CDH12: variants seen among roughly 807,000 people sequenced by gnomAD.
CDH12 encodes the protein cadherin-12.
CDH12 carries 41 observed loss-of-function variants against 74.1 expected under a neutral mutation model. The ratio of observed to expected loss-of-function variants is 0.55; its 90% CI spans 0.43 to 0.72. The LOEUF (loss-of-function observed/expected upper bound fraction) is 0.72, where lower values mean the gene tolerates loss of function less well. Among genes scored for constraint, CDH12 ranks in the 30% least tolerant of loss-of-function variants. The pLI is 0.00. For missense variants in CDH12, 945 were observed against 977.2 expected, an observed-to-expected ratio of 0.97 and a Z score of 0.44; for synonymous variants, 399 against 355.0, an observed-to-expected ratio of 1.12 and a Z score of -1.39.
intron 1 of CDH12, among the ~76,000 whole-genome samples, chr5:22,661,907 T>G (rs1740368755): frequency 6.6e-6 from 1 of 152,156 alleles, no homozygotes; most frequent in Non-Finnish European, 1.5e-5. Context: ...GAAATAAGCA[T>G]TTTTAAAAAT....
At chr5:22,140,120 G>A (rs1056160604) in intron 4 of CDH12, among the ~76,000 whole-genome samples, 8 of 152,034 alleles carry the variant, frequency 5.3e-5, no homozygotes, top group Non-Finnish European at 8.8e-5. Flanking sequence ...TATCAGCATA[G>A]AAAATCAAGT....
chr5:22,723,052 G>A lies in CDH12; in HGVS notation c.-523+130006C>T, dbSNP rs142858088. ...GTTGAGGAGCAATATAACTCAATAT[G>A]TCTACACAGGAAATCAGAAAATATA... On this transcript the variant is annotated intron_variant, in intron 1 of 14. Transcript: ENST00000382254. Among the ~76,000 whole-genome samples, 46 of 152,226 alleles carry A rather than the reference G, an allele frequency of 3.0e-4. No individual in the cohort carries two copies. The East Asian group carries it at 8.5e-3, about 28-fold the overall frequency.
At chr5:22,658,162 G>C (rs1233385803) in intron 1 of CDH12, among the ~76,000 whole-genome samples, 2 of 152,074 alleles carry the variant, frequency 1.3e-5, no homozygotes, top group Non-Finnish European at 2.9e-5. Flanking sequence ...TATGAATTAT[G>C]CTAGTTTTCC....
intron 1 of CDH12, among the ~76,000 whole-genome samples, chr5:22,745,278 T>C (rs1745236098): frequency 7.5e-6 from 1 of 133,018 alleles, no homozygotes; most frequent in South Asian, 2.3e-4. Context: ...CCATTGAGAT[T>C]TTTTTTTAAT....
chr5:22,672,690 A>G (rs1001480857), intron 1 of CDH12, among the ~76,000 whole-genome samples: 1 of 152,138 alleles, frequency 6.6e-6, no homozygotes, highest in African/African-American at 2.4e-5. Context: ...GCATCAGAAA[A>G]TTAAATAAGA....
At chr5:22,729,512 G>T (rs889068021) in intron 1 of CDH12, among the ~76,000 whole-genome samples, 3 of 151,822 alleles carry the variant, frequency 2.0e-5, no homozygotes, top group Non-Finnish European at 4.4e-5. Flanking sequence ...AAATGCATGG[G>T]TATGATAGCA....
chr5:22,724,238 A>T (rs930828798), intron 1 of CDH12, among the ~76,000 whole-genome samples: 12 of 143,764 alleles, frequency 8.3e-5, no homozygotes, highest in Non-Finnish European at 1.6e-4. Context: ...AATTTTTAAA[A>T]TTTTTTAATT....
chr5:22,047,238 T>A (rs1304170156), intron 5 of CDH12, among the ~76,000 whole-genome samples: 5 of 152,192 alleles, frequency 3.3e-5, no homozygotes, highest in African/African-American at 1.2e-4. Context: ...TAGGATCCCT[T>A]CCTTAAACTT....
intron 11 of CDH12, among the ~76,000 whole-genome samples, chr5:21,772,422 T>A (rs78008311): frequency 0.013 from 1,909 of 152,180 alleles, 32 homozygotes; most frequent in African/African-American, 0.042. Context: ...TCCTGCATAT[T>A]TTTCGGAATA....
chr5:21,932,888 T>C (rs1579982283), intron 6 of CDH12, among the ~76,000 whole-genome samples: 2 of 150,716 alleles, frequency 1.3e-5, no homozygotes, highest in African/African-American at 4.9e-5. Context: ...TACATTGCCA[T>C]CATGTCATAG....
At chr5:22,795,820 A>C (rs1748173195) in intron 1 of CDH12, among the ~76,000 whole-genome samples, 1 of 151,998 alleles carries the variant, frequency 6.6e-6, no homozygotes, top group Non-Finnish European at 1.5e-5. Flanking sequence ...TTGGTATCAA[A>C]ATAGTAGAGT....
intron 5 of CDH12, among the ~76,000 whole-genome samples, chr5:22,064,631 TCATAA>T (rs1741435393): frequency 6.6e-6 from 1 of 152,160 alleles, no homozygotes; most frequent in Non-Finnish European, 1.5e-5. Flanking sequence ...CATCTGAAGC[TCATAA>T]CATAATATTT....
At chr5:22,610,332 T>C (rs548661818) in intron 1 of CDH12, among the ~76,000 whole-genome samples, 92 of 152,308 alleles carry the variant, frequency 6.0e-4, no homozygotes, top group Non-Finnish European at 1.1e-3. Context: ...TTTTATTCCA[T>C]TGAGTCTTCA....
At chr5:22,135,032 G>GCAAA (rs2150291199) in intron 4 of CDH12, among the ~76,000 whole-genome samples, 1 of 151,992 alleles carries the variant, frequency 6.6e-6, no homozygotes, top group Admixed American at 6.6e-5. Flanking sequence ...AAATCAAATG[G>GCAAA]CAAAGAGAGT....
intron 9 of CDH12, among the ~76,000 whole-genome samples, chr5:21,808,281 C>A (rs1270508703): frequency 1.3e-5 from 2 of 152,076 alleles, no homozygotes; most frequent in East Asian, 1.9e-4. Context: ...GCAAAGGAAC[C>A]AGTTATGCCA....
At chr5:22,241,697 A>G (rs1271732715) in intron 3 of CDH12, among the ~76,000 whole-genome samples, 1 of 152,062 alleles carries the variant, frequency 6.6e-6, no homozygotes, top group Non-Finnish European at 1.5e-5. Context: ...ATCAAAACAA[A>G]TAACTCCAGC....
intron 1 of CDH12, among the ~76,000 whole-genome samples, chr5:22,808,652 C>G (rs1481235465): frequency 8.2e-6 from 1 of 122,488 alleles, no homozygotes; most frequent in East Asian, 2.4e-4. Flanking sequence ...TGTTGCCAGT[C>G]TGGAGTGCAG....
intron 1 of CDH12, among the ~76,000 whole-genome samples, chr5:22,676,145 G>A (rs534092876): frequency 1.5e-4 from 22 of 151,630 alleles, no homozygotes; most frequent in East Asian, 1.4e-3. Flanking sequence ...AGTACTAGTC[G>A]TTTTTATTCT....
chr5:21,782,234 C>G (rs944258406), intron 11 of CDH12, among the ~76,000 whole-genome samples: 1 of 152,180 alleles, frequency 6.6e-6, no homozygotes, highest in African/African-American at 2.4e-5. Flanking sequence ...AGTCAGACTT[C>G]TTACATGACA....
Sources: gnomAD v4.1 joint callset for allele counts (sites outside exome capture counted in the v4.1 genomes callset) on GRCh38, gnomAD v4.1.1 for gene constraint, MANE v1.5 for transcripts, NCBI Gene and HGNC (gene_info 2026-07-23, HGNC 2026-07-21) for gene names.